OTOA: variants seen among roughly 807,000 people sequenced by gnomAD.
The protein encoded by OTOA is otoancorin, also known as cancer/testis antigen 108.
A neutral mutation model predicts 110.8 loss-of-function variants in OTOA; 70 were observed. That is an observed-to-expected ratio of 0.63 (90% CI 0.52 to 0.77). The LOEUF (loss-of-function observed/expected upper bound fraction) is 0.77, where lower values mean the gene tolerates loss of function less well. Among genes scored for constraint, OTOA ranks in the 30% least tolerant of loss-of-function variants. OTOA has a pLI of 0.00. For synonymous variants in OTOA, 373 were observed against 431.5 expected, an observed-to-expected ratio of 0.86 and a Z score of 1.68; for missense variants, 917 against 1,075.8, an observed-to-expected ratio of 0.85 and a Z score of 2.06.
At chr16:21,695,879 ATATATATATATATTT>A (rs1275306000) in intron 9 of OTOA, among the ~76,000 whole-genome samples, 10 of 37,642 alleles carry the variant, frequency 2.7e-4, no homozygotes, top group African/African-American at 1.4e-3. Context: ...ATATATATAT[ATATATATATATATTT>A]TTTTTTTTTT....
rs1169074010 is a variant in OTOA, at chr16:21,705,225, C to A, written c.1037C>A (p.Ala346Asp). The A allele has an allele frequency of 1.9e-6, 3 of 1,614,146 alleles. No individual in the cohort carries two copies. Among genetic ancestry groups the A allele is most frequent in the Non-Finnish European group, 2.5e-6 (3 of 1,180,020 alleles). Residue 346 changes from alanine to aspartate, a missense_variant, in exon 12 of 29, where the codon GCT (alanine) becomes GAT (aspartate). Coordinates refer to ENST00000646100, the MANE Select transcript of OTOA (RefSeq NM_144672.4). ...CTGGAATTGCTGGATGCCACTGTGG[C>A]TCAAGTCCTGCTTTACCAGATGATC... The part of the protein sequence containing the change: ...NDLELLDATV[A>D]QVLLYQMIKC...
intron 1 of OTOA, among the ~76,000 whole-genome samples, chr16:21,674,642 GTT>G (rs79596787): frequency 1.6e-4 from 23 of 145,162 alleles, no homozygotes; most frequent in East Asian, 4.0e-4. Context: ...CTTCATTATG[GTT>G]TTTTTTTTTT....
At chr16:21,688,368 G>A (rs537747265) in intron 8 of OTOA, among the ~76,000 whole-genome samples, 4 of 151,920 alleles carry the variant, frequency 2.6e-5, no homozygotes, top group East Asian at 1.9e-4. Flanking sequence ...CAACCTGGGC[G>A]ACAGAGTGAG....
At chr16:21,705,559 C>A in intron 12 of OTOA, 1 of 478,778 alleles carries the variant, frequency 2.1e-6, no homozygotes, top group Non-Finnish European at 3.8e-6. Context: ...CCTGTAATCC[C>A]AGCACTTTGG....
intron 11 of OTOA, among the ~76,000 whole-genome samples, chr16:21,703,410 A>G (rs1898091316): frequency 6.6e-6 from 1 of 152,122 alleles, no homozygotes; most frequent in Admixed American, 6.6e-5. Context: ...CACTTAGCAT[A>G]AGATCCTCCA....
chr16:21,727,847 G>A (rs1010833139), intron 19 of OTOA, among the ~76,000 whole-genome samples: 3 of 150,586 alleles, frequency 2.0e-5, no homozygotes, highest in Non-Finnish European at 4.4e-5. Flanking sequence ...TCTTTAAGAA[G>A]TTTGGGATCG....
chr16:21,718,221 G>T (rs1375636102), intron 15 of OTOA, among the ~76,000 whole-genome samples: 1 of 152,160 alleles, frequency 6.6e-6, no homozygotes, highest in Non-Finnish European at 1.5e-5. Context: ...GCCTCCCAAA[G>T]TCCTGGGATT....
At chr16:21,758,966 C>A (rs1169369280) in intron 28 of OTOA, among the ~76,000 whole-genome samples, 1 of 151,854 alleles carries the variant, frequency 6.6e-6, no homozygotes, top group Non-Finnish European at 1.5e-5. Flanking sequence ...CATGCCAGTT[C>A]ACTCCAGCCT....
intron 1 of OTOA, among the ~76,000 whole-genome samples, chr16:21,675,307 ATTTTTTTTTTT>A (rs57498010): frequency 1.0e-3 from 37 of 37,158 alleles, no homozygotes; most frequent in South Asian, 5.3e-3. Context: ...ACACCTGGCT[ATTTTTTTTTTT>A]TTTTTTTTTT....
chr16:21,674,800 C>T (rs923981229), intron 1 of OTOA, among the ~76,000 whole-genome samples: 11 of 147,138 alleles, frequency 7.5e-5, no homozygotes, highest in Admixed American at 2.1e-4. Context: ...ATCTTCTGCT[C>T]GTTTTCTGAT....
chr16:21,726,471 C>A (rs1419524962), intron 18 of OTOA, 52 bp from the exon 19 acceptor site: 2 of 1,610,276 alleles, frequency 1.2e-6, no homozygotes, highest in Non-Finnish European at 1.7e-6. Context: ...ATTTTAGGGG[C>A]CAACAGGAGC....
intron 24 of OTOA, among the ~76,000 whole-genome samples, chr16:21,749,589 T>G (rs1458687343): frequency 1.4e-5 from 2 of 147,308 alleles, no homozygotes. Flanking sequence ...CCTGTGATTT[T>G]CGCTTCCACT....
At chr16:21,717,100 AGAAT>A in intron 15 of OTOA, 53 bp downstream of exon 15, 2 of 1,604,972 alleles carry the variant, frequency 1.2e-6, no homozygotes, top group Non-Finnish European at 1.7e-6. Flanking sequence ...CTGTCTTGTG[AGAAT>A]GAATGGTCTG....
At chr16:21,733,616 T>C (rs1036040258) in intron 21 of OTOA, among the ~76,000 whole-genome samples, 2 of 150,038 alleles carry the variant, frequency 1.3e-5, no homozygotes, top group Admixed American at 6.7e-5. Context: ...TCTGGGCCCA[T>C]GGGCAGGCCT....
chr16:21,697,835 A>G lies in OTOA; in HGVS notation c.800A>G (p.His267Arg). Residue 267 changes from histidine to arginine, a missense_variant, in exon 10 of 29, where the codon CAC becomes CGC. His to Arg is a conservative substitution (Grantham distance 29). This residue lies in a region of OTOA where 840 missense variants were observed against 910.2 expected (regional missense o/e 0.92). Coordinates refer to ENST00000646100, the MANE Select transcript of OTOA (RefSeq NM_144672.4). Reference protein sequence around the residue: ...HLWVLGRYMVHLSFEEITKIS... With the variant: ...HLWVLGRYMVRLSFEEITKIS... ...TGGGTTTTGGGCAGATACATGGTTC[A>G]CCTATCGTTTGAAGAAATTACGAAA... 1.9e-6 allele frequency: 3 copies of G among 1,614,084 alleles called. No individual in the cohort carries two copies. Among genetic ancestry groups the G allele is most frequent in the East Asian group, 2.2e-5 (1 of 44,876 alleles).
chr16:21,709,249 T>C (rs910220978), intron 12 of OTOA, among the ~76,000 whole-genome samples: 5 of 152,102 alleles, frequency 3.3e-5, no homozygotes, highest in African/African-American at 1.2e-4. Flanking sequence ...CTGGCCAACA[T>C]GGTGAAACCC....
At chr16:21,697,242 G>A (rs1897962039) in intron 9 of OTOA, among the ~76,000 whole-genome samples, 2 of 152,056 alleles carry the variant, frequency 1.3e-5, no homozygotes, top group Non-Finnish European at 1.5e-5. Flanking sequence ...CCACACTATT[G>A]AGTAACAAGG....
intron 7 of OTOA, among the ~76,000 whole-genome samples, chr16:21,686,082 G>A (rs1361404612): frequency 2.0e-5 from 3 of 152,032 alleles, no homozygotes; most frequent in Admixed American, 6.6e-5. Flanking sequence ...ACAAAGCAAG[G>A]CCTCTGAGAC....
At position 21,716,917 on chromosome 16, in the gene OTOA, C is replaced by A. The variant is rs141037250; in HGVS notation, c.1499C>A (p.Ala500Glu). The change falls in exon 15 of 29, where the codon GCG becomes GAG. Residue 500 changes from alanine (A) to glutamate (E), a missense_variant. By Grantham distance (107) the Ala-to-Glu change is moderately radical. Transcript: ENST00000646100. ...QQGILSKMVQAEDTAPGIVEI... is the reference protein window; with the variant it reads ...QQGILSKMVQEEDTAPGIVEI... ...TCTCGCTTCTGGCAGATGGTCCAAG[C>A]GGAAGACACTGCCCCAGGCATCGTG... is the stretch of plus-strand genomic sequence containing the variant. 1 of 1,613,866 alleles carries A rather than the reference C, an allele frequency of 6.2e-7. No homozygotes were observed. The highest frequency in any genetic ancestry group is 8.5e-7 in the Non-Finnish European group (1 of 1,179,956).
Sources: gnomAD v4.1 joint callset for allele counts (sites outside exome capture counted in the v4.1 genomes callset) on GRCh38, gnomAD v4.1.1 for gene constraint, gnomAD v4.1.1 regional missense constraint, MANE v1.5 for transcripts, NCBI Gene and HGNC (gene_info 2026-07-23, HGNC 2026-07-21) for gene names.